The following CYB5R3 variants were observed in gnomAD, a reference collection of about 807,000 sequenced individuals.
The protein encoded by CYB5R3 is NADH-cytochrome b5 reductase 3.
Under a neutral mutation model 36.5 loss-of-function variants are expected in CYB5R3, and 28 were observed. That is an observed-to-expected ratio of 0.77 (90% CI 0.57 to 1.05). The LOEUF is 1.05. CYB5R3 is among the 50% of genes least tolerant of loss of function. CYB5R3 has a pLI of 0.00. For missense variants in CYB5R3, 474 were observed against 408.9 expected (o/e 1.16, Z -1.37); for synonymous variants, 181 against 159.8 (o/e 1.13, Z -1.00).
At chr22:42,646,356 AAC>A (rs1325462989) in intron 1 of CYB5R3, among the ~76,000 whole-genome samples, 1 of 152,048 alleles carries the variant, frequency 6.6e-6, no homozygotes, top group Non-Finnish European at 1.5e-5. Context: ...TGCCTCTAAT[AAC>A]ACAGAGGGGA....
chr22:42,622,613 G>A (rs141655962), intron 8 of CYB5R3, among the ~76,000 whole-genome samples: 9 of 152,310 alleles, frequency 5.9e-5, no homozygotes, highest in African/African-American at 1.9e-4. Flanking sequence ...TGCTCCCTCA[G>A]GGATGGGCCC....
At chr22:42,643,027 C>A (rs1929361102) in intron 1 of CYB5R3, among the ~76,000 whole-genome samples, 1 of 152,204 alleles carries the variant, frequency 6.6e-6, no homozygotes, top group Admixed American at 6.5e-5. Flanking sequence ...CTTTGTGGGA[C>A]CTGCTACGGG....
intron 2 of CYB5R3, among the ~76,000 whole-genome samples, chr22:42,635,072 T>A (rs5758822): frequency 6.7e-6 from 1 of 148,332 alleles, no homozygotes; most frequent in African/African-American, 2.5e-5. Context: ...CAGGTTCACG[T>A]CATTCTCCTG....
chr22:42,635,809 A>G (rs534958913), intron 2 of CYB5R3, among the ~76,000 whole-genome samples: 4 of 152,334 alleles, frequency 2.6e-5, no homozygotes, highest in Admixed American at 2.0e-4. Context: ...GTGGCCAGAA[A>G]TAGAGCAAGG....
At chr22:42,637,070 T>C (rs1266777520) in intron 1 of CYB5R3, among the ~76,000 whole-genome samples, 3 of 152,228 alleles carry the variant, frequency 2.0e-5, no homozygotes, top group African/African-American at 7.2e-5. Flanking sequence ...CCTGGGCTTC[T>C]ATGCTCAGTA....
Position 42,619,677 on chromosome 22 carries a change from C to A in CYB5R3, c.*96G>T, listed in dbSNP as rs866595639. ...AGGGCACGGGCAGGCCAGGCTGAAC[C>A]CGGGGCCCCAGTGTGCGATGTGGGG... On this transcript the variant is annotated 3_prime_UTR_variant, in exon 9 of 9. Coordinates refer to ENST00000352397, the MANE Select transcript of CYB5R3 (RefSeq NM_000398.7). The A allele has an allele frequency of 1.5e-6, 2 of 1,303,362 alleles. No homozygotes were observed. 80.7% of individuals were successfully genotyped at this position (1,303,362 alleles called of 1,614,324 possible).
At chr22:42,628,377 T>C (rs1928418265) in intron 4 of CYB5R3, 96 bp from the exon 5 acceptor site, 2 of 1,502,454 alleles carry the variant, frequency 1.3e-6, no homozygotes, top group Non-Finnish European at 1.8e-6. Context: ...CTGCAGCTTC[T>C]TCTGAGGCCC....
At chr22:42,630,812 G>A (rs935809599) in intron 4 of CYB5R3, 70 bp downstream of exon 4, 16 of 1,321,020 alleles carry the variant, frequency 1.2e-5, no homozygotes, top group Non-Finnish European at 1.6e-5. Context: ...CCTGTCCAGG[G>A]GGTCCACATG....
At chr22:42,643,247 G>T (rs1569327592) in intron 1 of CYB5R3, among the ~76,000 whole-genome samples, 1 of 152,288 alleles carries the variant, frequency 6.6e-6, no homozygotes, top group Non-Finnish European at 1.5e-5. Context: ...CCACTGCCTG[G>T]CCTATCTCCT....
At chr22:42,636,564 G>T in intron 2 of CYB5R3, 151 bp downstream of exon 2, 1 of 1,245,010 alleles carries the variant, frequency 8.0e-7, no homozygotes, top group Non-Finnish European at 1.1e-6. Flanking sequence ...ACTTCCTGGT[G>T]GCCTTAGCAA....
chr22:42,624,283 A>G (rs934237974), intron 7 of CYB5R3, among the ~76,000 whole-genome samples: 63 of 152,302 alleles, frequency 4.1e-4, no homozygotes, highest in African/African-American at 1.3e-3. Flanking sequence ...TGTAACACAT[A>G]CAATAAGCAA....
chr22:42,639,994 C>T (rs2146901450), intron 1 of CYB5R3: 1 of 1,612,398 alleles, frequency 6.2e-7, no homozygotes, highest in Admixed American at 1.7e-5. Flanking sequence ...GCCACGCTTG[C>T]CTGTGATCTC....
At chr22:42,635,587 A>G (rs1928850201) in intron 2 of CYB5R3, among the ~76,000 whole-genome samples, 1 of 152,114 alleles carries the variant, frequency 6.6e-6, no homozygotes, top group African/African-American at 2.4e-5. Flanking sequence ...TCTGGTTGTC[A>G]ACTTCTCTGT....
intron 6 of CYB5R3, 65 bp downstream of exon 6, chr22:42,627,540 C>T (rs1318110621): frequency 3.9e-6 from 6 of 1,531,170 alleles, no homozygotes; most frequent in East Asian, 2.2e-5. Flanking sequence ...ACCTGCGCCT[C>T]ACCCACACCC....
At chr22:42,620,514 G>A (rs1161693001) in intron 8 of CYB5R3, among the ~76,000 whole-genome samples, 3 of 152,038 alleles carry the variant, frequency 2.0e-5, no homozygotes, top group Non-Finnish European at 4.4e-5. Flanking sequence ...CTGCCCCCTC[G>A]AGCCCTGAGC....
chr22:42,639,807 T>G (rs1475532847), intron 1 of CYB5R3: 1 of 833,942 alleles, frequency 1.2e-6, no homozygotes, highest in South Asian at 1.9e-5. Context: ...ATAGACACAG[T>G]TGACCCTTGA....
chr22:42,635,606 G>C (rs1928850759), intron 2 of CYB5R3, among the ~76,000 whole-genome samples: 2 of 152,150 alleles, frequency 1.3e-5, no homozygotes, highest in Non-Finnish European at 2.9e-5. Context: ...GTGAGCTCCT[G>C]GGACAATTAC....
intron 4 of CYB5R3, among the ~76,000 whole-genome samples, chr22:42,628,707 CCTCA>C (rs1424108565): frequency 6.6e-6 from 1 of 152,188 alleles, no homozygotes; most frequent in Non-Finnish European, 1.5e-5. Context: ...TAAAAACCTC[CCTCA>C]CTCTTGGGAC....
chr22:42,643,446 C>G (rs8190412), intron 1 of CYB5R3, among the ~76,000 whole-genome samples: 21,424 of 133,990 alleles, frequency 0.16, 2,288 homozygotes, highest in East Asian at 0.6. Flanking sequence ...GGCCCCCGCC[C>G]CCCCACCCCC....
Sources: gnomAD v4.1 joint callset for allele counts (sites outside exome capture counted in the v4.1 genomes callset) on GRCh38, gnomAD v4.1.1 for gene constraint, MANE v1.5 for transcripts, NCBI Gene and HGNC (gene_info 2026-07-23, HGNC 2026-07-21) for gene names.